The following ZNF469 variants were observed in gnomAD, a reference collection of about 807,000 sequenced individuals.
ZNF469 encodes the protein zinc finger protein 469.
Under a neutral mutation model 1.0 loss-of-function variants are expected in ZNF469, and 1 was observed. The observed-to-expected ratio is 1.00, with a 90% CI of 0.35 to 4.73. The LOEUF (loss-of-function observed/expected upper bound fraction) is 4.73. Among genes scored for constraint, ZNF469 ranks in the 30% most tolerant of loss-of-function variants. The pLI is 0.16. For missense variants in ZNF469, 6,100 were observed against 5,356.3 expected (o/e 1.14, Z -4.33); for synonymous variants, 2,703 against 2,363.4 (o/e 1.14, Z -4.17).
the ZNF469 span, among the ~76,000 whole-genome samples, chr16:88,198,567 G>A: frequency 2.0e-5 from 3 of 152,228 alleles, no homozygotes; most frequent in Non-Finnish European, 4.4e-5. Flanking sequence ...CACTTTAAAT[G>A]TAAATGTCTA....
chr16:88,401,431 A>T (rs1219644225), intron 1 of ZNF469, among the ~76,000 whole-genome samples: 4 of 150,432 alleles, frequency 2.7e-5, no homozygotes, highest in African/African-American at 9.9e-5. Flanking sequence ...TGATGGACAG[A>T]TGGATAGAGG....
At chr16:88,206,885 CGCGGGGACGGAGGGGGAGGGGAG>C in the ZNF469 span, among the ~76,000 whole-genome samples, 1 of 870 alleles carries the variant, frequency 1.1e-3, no homozygotes, top group African/African-American at 4.3e-3. Flanking sequence ...GAGGGGAGGC[CGCGGGGACGGAGGGGGAGGGGAG>C]GCCGCGGGGA....
At chr16:88,387,328 C>G (rs1022872744) in intron 1 of ZNF469, among the ~76,000 whole-genome samples, 7 of 152,218 alleles carry the variant, frequency 4.6e-5, no homozygotes, top group Non-Finnish European at 7.3e-5. Flanking sequence ...CGGTTCTCCC[C>G]CCTTGGTCTG....
chr16:88,292,881 C>A, the ZNF469 span, among the ~76,000 whole-genome samples: 1 of 151,700 alleles, frequency 6.6e-6, no homozygotes, highest in Non-Finnish European at 1.5e-5. Flanking sequence ...CTGTCTGGAT[C>A]CTTTATCGGA....
chr16:88,430,758 G>T lies in ZNF469; in HGVS notation c.3288G>T (p.Ser1096=). Residue 1096 remains serine, a synonymous_variant, in exon 3 of 3, where the codon TCG becomes TCT. Coordinates refer to ENST00000565624, the MANE Select transcript of ZNF469 (RefSeq NM_001367624.2). ...GGCTCCGCGAGTACGACTTCGCCTC[G>T]GAGTCCGAGGAGGACGAGCAGCCTC... is the stretch of plus-strand genomic sequence containing the variant. ...DRRLREYDFA[S]ESEEDEQPPP... The T allele has an allele frequency of 6.6e-7, 1 of 1,508,508 alleles. No individual in the cohort carries two copies. Among genetic ancestry groups the T allele is most frequent in the Non-Finnish European group, 8.8e-7 (1 of 1,135,718 alleles). The allele number at this position is 1,508,508 out of a possible 1,614,324, so 93.4% of individuals were successfully genotyped here.
chr16:88,437,834 G>A lies in ZNF469; in HGVS notation c.10364G>A (p.Arg3455Lys), dbSNP rs906738236. The change falls in exon 3 of 3, where the codon AGG (arginine) becomes AAG (lysine). Residue 3455 changes from arginine (R) to lysine (K), a missense_variant. By Grantham distance (26) the Arg-to-Lys change is conservative. Coordinates refer to ENST00000565624, the MANE Select transcript of ZNF469 (RefSeq NM_001367624.2). Reference sequence around the variant, plus strand: ...CCCTTCGCGTTCCGCGGCGTGCGGAGGCCGGGAGCGCCGGGACAGAAGGCC... The same window carrying A: ...CCCTTCGCGTTCCGCGGCGTGCGGAAGCCGGGAGCGCCGGGACAGAAGGCC... ...RQPFAFRGVRRPGAPGQKARA... is the reference protein window; with the variant it reads ...RQPFAFRGVRKPGAPGQKARA... The A allele has an allele frequency of 6.5e-7, 1 of 1,540,798 alleles. No homozygotes were observed. The highest frequency in any genetic ancestry group is 1.4e-5 in the African/African-American group (1 of 72,776).
At chr16:88,350,591 G>C in the ZNF469 span, among the ~76,000 whole-genome samples, 1 of 152,240 alleles carries the variant, frequency 6.6e-6, no homozygotes, top group Non-Finnish European at 1.5e-5. Flanking sequence ...GCCTCCCTGT[G>C]GTGGGCGGAA....
At chr16:88,408,981 T>A (rs1905079048) in intron 1 of ZNF469, among the ~76,000 whole-genome samples, 1 of 152,230 alleles carries the variant, frequency 6.6e-6, no homozygotes, top group South Asian at 2.1e-4. Flanking sequence ...AGCCAGCAGC[T>A]GGGGCTTGTG....
chr16:88,111,123 G>C, the ZNF469 span, among the ~76,000 whole-genome samples: 1 of 152,202 alleles, frequency 6.6e-6, no homozygotes, highest in Non-Finnish European at 1.5e-5. Context: ...CTCCCGCACC[G>C]CCCCATGTCA....
At chr16:88,332,718 AG>A in the ZNF469 span, among the ~76,000 whole-genome samples, 9 of 151,816 alleles carry the variant, frequency 5.9e-5, no homozygotes, top group South Asian at 2.1e-4. Context: ...AGGATGGGGG[AG>A]GGGGGGCTGC....
chr16:88,316,132 G>A, the ZNF469 span, among the ~76,000 whole-genome samples: 1 of 152,244 alleles, frequency 6.6e-6, no homozygotes, highest in East Asian at 1.9e-4. Context: ...AGTCTGAAAG[G>A]CAGGAGCAGC....
At chr16:88,409,353 G>A (rs1381450515) in intron 1 of ZNF469, among the ~76,000 whole-genome samples, 1 of 152,254 alleles carries the variant, frequency 6.6e-6, no homozygotes, top group Non-Finnish European at 1.5e-5. Flanking sequence ...GATGACCAGA[G>A]ACTGAGCACG....
the ZNF469 span, among the ~76,000 whole-genome samples, chr16:88,235,118 A>G: frequency 6.6e-6 from 1 of 152,058 alleles, no homozygotes; most frequent in African/African-American, 2.4e-5. Flanking sequence ...CTGCTGCTGA[A>G]ATTCTTGAGA....
At chr16:88,332,401 G>A in the ZNF469 span, among the ~76,000 whole-genome samples, 45 of 152,340 alleles carry the variant, frequency 3.0e-4, no homozygotes, top group African/African-American at 9.4e-4. Flanking sequence ...CCGTCACCGC[G>A]TGCCCTGCCC....
rs761043511 is a variant in ZNF469, at chr16:88,431,745, C to T, written c.4275C>T (p.Leu1425=). 3.2e-6 allele frequency: 5 copies of T among 1,549,864 alleles called. No individual in the cohort carries two copies. Among genetic ancestry groups the T allele is most frequent in the Admixed American group, 2.0e-5 (1 of 50,990 alleles). The part of the protein sequence containing the change: ...LCQDGEDAGS[L]EPQLPRSPPG... ...AGGACGGCGAGGATGCCGGTTCCCT[C>T]GAGCCACAGCTGCCAAGGAGCCCAC... Residue 1425 remains leucine (L), a synonymous_variant, in exon 3 of 3, where the codon CTC becomes CTT. Transcript: ENST00000565624.
At chr16:88,219,465 C>T in the ZNF469 span, among the ~76,000 whole-genome samples, 10 of 142,552 alleles carry the variant, frequency 7.0e-5, no homozygotes, top group Admixed American at 2.1e-4. Flanking sequence ...AATAACGCCG[C>T]ATATCTACAA....
At chr16:88,381,325 GAC>G (rs1567496140), upstream of ZNF469, among the ~76,000 whole-genome samples, 2 of 119,440 alleles carry the variant, frequency 1.7e-5, no homozygotes, top group Non-Finnish European at 3.4e-5. Flanking sequence ...CACACACAGA[GAC>G]ATGCACTCGC....
chr16:88,432,045 T>G lies in ZNF469; in HGVS notation c.4575T>G (p.Ser1525Arg). Residue 1525 changes from serine (S) to arginine (R), a missense_variant, in exon 3 of 3, where the codon AGT (serine) becomes AGG (arginine). Coordinates refer to ENST00000565624, the MANE Select transcript of ZNF469 (RefSeq NM_001367624.2). ...ATCTCTCGGGGGGAAAGGTGCTCAG[T>G]AAGACGTGTCCCCCTGAACGGACAG... Reference protein sequence around the residue: ...FPDLSGGKVLSKTCPPERTVV... With the variant: ...FPDLSGGKVLRKTCPPERTVV... 6.4e-7 allele frequency: 1 copy of G among 1,550,498 alleles called. No individual in the cohort carries two copies. Among genetic ancestry groups the G allele is most frequent in the African/African-American group, 1.4e-5 (1 of 73,140 alleles).
At chr16:88,243,190 G>A in the ZNF469 span, among the ~76,000 whole-genome samples, 1 of 152,148 alleles carries the variant, frequency 6.6e-6, no homozygotes. Flanking sequence ...CTCCTCATGT[G>A]ACCACCATAG....
Sources: gnomAD v4.1 joint callset for allele counts (sites outside exome capture counted in the v4.1 genomes callset) on GRCh38, gnomAD v4.1.1 for gene constraint, MANE v1.5 for transcripts, NCBI Gene and HGNC (gene_info 2026-07-23, HGNC 2026-07-21) for gene names.